Variants in PIP5K1B observed in about 807,000 individuals in gnomAD.
PIP5K1B encodes phosphatidylinositol 4-phosphate 5-kinase type-1 beta.
In PIP5K1B, 42 loss-of-function variants were observed where a neutral mutation model predicts 67.0. That is an observed-to-expected ratio of 0.63 (90% confidence interval 0.49 to 0.81). PIP5K1B has a LOEUF of 0.81. Among genes scored for constraint, PIP5K1B ranks in the 30% least tolerant of loss-of-function variants. PIP5K1B has a pLI of 0.00. For missense variants in PIP5K1B, 459 were observed against 646.3 expected (o/e 0.71, Z 3.14); for synonymous variants, 214 against 231.4 (o/e 0.92, Z 0.68).
intron 14 of PIP5K1B, among the ~76,000 whole-genome samples, chr9:68,967,992 G>A (rs951520644): frequency 6.6e-6 from 1 of 152,096 alleles, no homozygotes; most frequent in East Asian, 1.9e-4. Context: ...AGAAAGGAGT[G>A]CTGAGTGGGC....
intron 4 of PIP5K1B, among the ~76,000 whole-genome samples, chr9:68,837,644 G>T (rs1821693198): frequency 3.6e-5 from 4 of 112,264 alleles, no homozygotes; most frequent in Admixed American, 1.9e-4. Flanking sequence ...CTTTTATATA[G>T]TCAAATTTGT....
intron 14 of PIP5K1B, among the ~76,000 whole-genome samples, chr9:68,988,338 T>G (rs992702908): frequency 6.6e-6 from 1 of 150,910 alleles, no homozygotes; most frequent in Non-Finnish European, 1.5e-5. Context: ...AATATTCTTT[T>G]ATATATTTGA....
intron 4 of PIP5K1B, among the ~76,000 whole-genome samples, chr9:68,829,981 G>T (rs1434214712): frequency 6.6e-6 from 1 of 152,066 alleles, no homozygotes; most frequent in Non-Finnish European, 1.5e-5. Context: ...GTCAAGCCTG[G>T]GCATGGGAGG....
chr9:68,863,781 A>G, intron 4 of PIP5K1B, 56 bp from the exon 5 acceptor site: 1 of 1,541,148 alleles, frequency 6.5e-7, no homozygotes, highest in Non-Finnish European at 8.9e-7. Context: ...TGCCTGTACC[A>G]TTGAACAAGG....
chr9:68,978,755 G>C (rs1829749468), intron 14 of PIP5K1B, among the ~76,000 whole-genome samples: 1 of 152,138 alleles, frequency 6.6e-6, no homozygotes, highest in Admixed American at 6.5e-5. Flanking sequence ...AATCTTTGTA[G>C]TTCCATAAAT....
At chr9:68,789,654 A>G (rs1831847923) in intron 2 of PIP5K1B, 2 of 332,006 alleles carry the variant, frequency 6.0e-6, no homozygotes, top group Non-Finnish European at 1.2e-5. Flanking sequence ...GTTGATCAAG[A>G]AAAGTCTATA....
intron 4 of PIP5K1B, among the ~76,000 whole-genome samples, chr9:68,834,549 C>T (rs879882237): frequency 1.6e-4 from 25 of 152,160 alleles, no homozygotes; most frequent in African/African-American, 5.6e-4. Flanking sequence ...TCCCACGCAG[C>T]GTCTGGTACA....
At chr9:68,880,998 G>A (rs1228679873) in intron 6 of PIP5K1B, among the ~76,000 whole-genome samples, 1 of 152,180 alleles carries the variant, frequency 6.6e-6, no homozygotes, top group Admixed American at 6.5e-5. Flanking sequence ...TTGAGTGTCA[G>A]GTATAATAAC....
At chr9:68,728,352 A>G (rs1828253259) in intron 1 of PIP5K1B, among the ~76,000 whole-genome samples, 1 of 152,136 alleles carries the variant, frequency 6.6e-6, no homozygotes, top group Non-Finnish European at 1.5e-5. Flanking sequence ...CAGACAGCAG[A>G]GAGGAAGTGA....
chr9:68,753,521 T>TTC (rs1476807339), intron 2 of PIP5K1B, among the ~76,000 whole-genome samples: 3 of 103,998 alleles, frequency 2.9e-5, no homozygotes, highest in East Asian at 2.7e-4. Context: ...GTTTCTTTTT[T>TTC]TTTTTTTTTT....
intron 8 of PIP5K1B, among the ~76,000 whole-genome samples, chr9:68,914,212 A>T (rs1002634962): frequency 1.3e-5 from 2 of 152,192 alleles, no homozygotes; most frequent in Non-Finnish European, 2.9e-5. Flanking sequence ...TAACAAGCAG[A>T]ATTCATTCAT....
chr9:68,746,026 T>C (rs115383299), intron 2 of PIP5K1B, among the ~76,000 whole-genome samples: 1,599 of 152,090 alleles, frequency 0.011, 31 homozygotes, highest in African/African-American at 0.036. Flanking sequence ...AAAAGTTACT[T>C]TTGTTTAAGC....
intron 4 of PIP5K1B, among the ~76,000 whole-genome samples, chr9:68,856,291 C>T (rs1822777459): frequency 6.6e-6 from 1 of 152,208 alleles, no homozygotes; most frequent in South Asian, 2.1e-4. Flanking sequence ...CCCCTAATTT[C>T]CTAATGTGCT....
At chr9:68,974,619 C>G (rs1829547033) in intron 14 of PIP5K1B, among the ~76,000 whole-genome samples, 1 of 152,190 alleles carries the variant, frequency 6.6e-6, no homozygotes, top group Non-Finnish European at 1.5e-5. Context: ...GTGACATTTT[C>G]TGATTAGTCA....
chr9:69,005,991 C>T (rs1831061535), intron 15 of PIP5K1B, among the ~76,000 whole-genome samples: 1 of 151,918 alleles, frequency 6.6e-6, no homozygotes, highest in South Asian at 2.1e-4. Flanking sequence ...GCAATCCTCC[C>T]ACCTTAGCCT....
At position 68,789,653 on chromosome 9, in the gene PIP5K1B, G is replaced by A. The variant is rs568947329; in HGVS notation, c.-85-28808G>A. On this transcript the variant is annotated intron_variant, in intron 2 of 15. Transcript: ENST00000265382. ...AAATATCTCCAGAGGAGTTGATCAA[G>A]AAAAGTCTATAAATCATGATAGACT... 1.6e-4 allele frequency: 53 copies of A among 336,538 alleles called. 1 individual carries two copies. Among genetic ancestry groups the A allele is most frequent in the South Asian group, 1.4e-3 (53 of 37,368 alleles). 20.8% of individuals were successfully genotyped at this position (336,538 alleles called of 1,614,324 possible). A position where few individuals can be genotyped will look rare whatever the true frequency, so the allele number is the denominator to read the frequency against.
intron 8 of PIP5K1B, among the ~76,000 whole-genome samples, chr9:68,904,006 A>G (rs529937661): frequency 2.0e-5 from 3 of 152,324 alleles, no homozygotes; most frequent in South Asian, 2.1e-4. Flanking sequence ...CAGACAATCT[A>G]TTACATATAG....
chr9:68,788,617 G>T, intron 2 of PIP5K1B: 2 of 230,894 alleles, frequency 8.7e-6, no homozygotes, highest in Non-Finnish European at 1.7e-5. Context: ...AAACTTGGTA[G>T]CTTGTGGGGA....
At chr9:68,784,430 C>A (rs1449600539) in intron 2 of PIP5K1B, 1 of 166,948 alleles carries the variant, frequency 6.0e-6, no homozygotes, top group Non-Finnish European at 1.5e-5. Context: ...AACTCCAAGG[C>A]TGCTGGATGT....
Sources: gnomAD v4.1 joint callset for allele counts (sites outside exome capture counted in the v4.1 genomes callset) on GRCh38, gnomAD v4.1.1 for gene constraint, MANE v1.5 for transcripts, NCBI Gene and HGNC (gene_info 2026-07-23, HGNC 2026-07-21) for gene names.